PLPP3: variants seen among roughly 807,000 people sequenced by gnomAD.
PLPP3 encodes PAP2 beta.
Under a neutral mutation model 29.6 loss-of-function variants are expected in PLPP3, and 6 were observed. The ratio of observed to expected loss-of-function variants is 0.20; its 90% confidence interval spans 0.11 to 0.40. PLPP3 has a LOEUF of 0.40. Ranked by LOEUF, PLPP3 falls within the 10% of genes least tolerant of loss-of-function variation. The probability of loss-of-function intolerance (pLI) is 1.00; values close to 1 mark genes in which losing one functional copy is unlikely to be tolerated. For missense variants in PLPP3, 308 were observed against 407.7 expected, an observed-to-expected ratio of 0.76 and a Z score of 2.11; for synonymous variants, 152 against 159.7, an observed-to-expected ratio of 0.95 and a Z score of 0.36.
At chr1:56,538,586 T>C (rs1187400162) in intron 1 of PLPP3, 1 of 370,138 alleles carries the variant, frequency 2.7e-6, no homozygotes, top group South Asian at 2.7e-5. Context: ...TCTAAGGGAA[T>C]GGGTACTGCT....
At chr1:56,557,618 CT>C (rs1470481945) in intron 1 of PLPP3, among the ~76,000 whole-genome samples, 3 of 152,210 alleles carry the variant, frequency 2.0e-5, no homozygotes, top group Non-Finnish European at 2.9e-5. Flanking sequence ...AAACCACTGG[CT>C]TTCAGGTCAG....
intron 1 of PLPP3, among the ~76,000 whole-genome samples, chr1:56,556,962 G>T (rs1646080953): frequency 4.3e-4 from 1 of 2,334 alleles, no homozygotes. Flanking sequence ...GAGAAAGAAA[G>T]AAAGAAAGAA....
chr1:56,576,232 T>A (rs1646234745), intron 1 of PLPP3, among the ~76,000 whole-genome samples: 1 of 152,156 alleles, frequency 6.6e-6, no homozygotes, highest in East Asian at 1.9e-4. Flanking sequence ...TTCTTATATA[T>A]TCCTGTGAGA....
At chr1:56,518,911 T>G (rs1048952962) in intron 4 of PLPP3, among the ~76,000 whole-genome samples, 1 of 151,506 alleles carries the variant, frequency 6.6e-6, no homozygotes, top group South Asian at 2.1e-4. Context: ...TGTCAGATGG[T>G]GAGACGTAAG....
At chr1:56,532,430 A>C (rs116531072) in intron 2 of PLPP3, among the ~76,000 whole-genome samples, 1 of 152,022 alleles carries the variant, frequency 6.6e-6, no homozygotes, top group Non-Finnish European at 1.5e-5. Flanking sequence ...GGCAATGTTG[A>C]GGAACCTTGT....
At chr1:56,515,787 G>A (rs1645776796) in intron 4 of PLPP3, among the ~76,000 whole-genome samples, 1 of 152,158 alleles carries the variant, frequency 6.6e-6, no homozygotes, top group Admixed American at 6.5e-5. Context: ...AGTGCATTTT[G>A]GGGTACAATA....
chr1:56,538,211 T>C (rs1236351276), intron 1 of PLPP3, among the ~76,000 whole-genome samples: 4 of 152,188 alleles, frequency 2.6e-5, no homozygotes, highest in South Asian at 2.1e-4. Context: ...TCCAGCTTCA[T>C]GCTCTGCTGC....
intron 1 of PLPP3, among the ~76,000 whole-genome samples, chr1:56,572,086 A>G (rs982761231): frequency 5.0e-4 from 57 of 115,106 alleles, no homozygotes; most frequent in African/African-American, 1.9e-3. Flanking sequence ...GTCTCGCTCT[A>G]TCACCCAGCC....
intron 2 of PLPP3, among the ~76,000 whole-genome samples, chr1:56,536,588 A>G (rs550290202): frequency 1.2e-3 from 183 of 152,308 alleles, no homozygotes; most frequent in African/African-American, 4.2e-3. Context: ...TTTGATCCAG[A>G]GTAGGCAAGA....
intron 1 of PLPP3, among the ~76,000 whole-genome samples, chr1:56,544,614 T>C (rs946970806): frequency 1.3e-5 from 2 of 152,142 alleles, no homozygotes; most frequent in African/African-American, 4.8e-5. Context: ...GTCAGAGAGG[T>C]TGTAATTTGT....
At chr1:56,548,231 AAC>A (rs1438993508) in intron 1 of PLPP3, among the ~76,000 whole-genome samples, 3 of 152,322 alleles carry the variant, frequency 2.0e-5, no homozygotes, top group South Asian at 4.1e-4. Context: ...CCTTTTGTAA[AAC>A]ACAGAAACTT....
At chr1:56,500,749 A>C in intron 5 of PLPP3, among the ~76,000 whole-genome samples, 1 of 152,264 alleles carries the variant, frequency 6.6e-6, no homozygotes, top group African/African-American at 2.4e-5. Context: ...TCACGCCTAA[A>C]ATCCCAGCAC....
At position 56,579,212 on chromosome 1, in the gene PLPP3, C is replaced by T. The variant is rs1646259988; in HGVS notation, c.-196G>A. The stretch of plus-strand genomic sequence containing the variant: ...GCAGAAGGTGGTGTTTTCTGCTCCT[C>T]CTGCGCGCCTCTGCTTTCCTCTGTC... On this transcript the variant is annotated 5_prime_UTR_variant, in exon 1 of 6. Coordinates refer to ENST00000371250, the MANE Select transcript of PLPP3 (RefSeq NM_003713.5). 1.6e-6 allele frequency: 1 copy of T among 610,578 alleles called. No individual in the cohort carries two copies. 37.8% of individuals were successfully genotyped at this position (610,578 alleles called of 1,614,324 possible).
At chr1:56,540,518 T>C (rs919120308) in intron 1 of PLPP3, among the ~76,000 whole-genome samples, 2 of 152,158 alleles carry the variant, frequency 1.3e-5, no homozygotes, top group African/African-American at 4.8e-5. Context: ...CTGAGAACAG[T>C]CCAAATCCTT....
intron 1 of PLPP3, among the ~76,000 whole-genome samples, chr1:56,537,799 G>A (rs1645938271): frequency 6.6e-6 from 1 of 152,190 alleles, no homozygotes; most frequent in African/African-American, 2.4e-5. Flanking sequence ...GAGCAGAGCT[G>A]AGCTTGGCCC....
Position 56,530,947 on chromosome 1 carries a change from T to C in PLPP3, c.297+6008A>G, listed in dbSNP as rs757582196. 2.6e-4 allele frequency among the ~76,000 whole-genome samples: 40 copies of C among 152,192 alleles called. 1 individual carries two copies. The highest frequency in any genetic ancestry group is 5.0e-4 in the Non-Finnish European group (34 of 68,028). ...GGTTCTCTGACGAAAATCCTACTTA[T>C]GCCTTAAAGTAGAGCTCAAGTGCCA... is the stretch of plus-strand genomic sequence containing the variant. On this transcript the variant is annotated intron_variant, in intron 2 of 5. Transcript: ENST00000371250.
intron 1 of PLPP3, among the ~76,000 whole-genome samples, chr1:56,545,977 T>G (rs1447809610): frequency 6.6e-6 from 1 of 152,172 alleles, no homozygotes; most frequent in Admixed American, 6.5e-5. Flanking sequence ...GCCACTGAGC[T>G]ACATGGCCCG....
chr1:56,506,321 C>T (rs999201404), intron 5 of PLPP3, among the ~76,000 whole-genome samples: 2 of 152,200 alleles, frequency 1.3e-5, no homozygotes, highest in African/African-American at 4.8e-5. Flanking sequence ...TTTCCTTTTG[C>T]AGGGGTTGTC....
At chr1:56,578,793 G>T (rs1646255947) in intron 1 of PLPP3, 85 bp downstream of exon 1, 2 of 1,261,552 alleles carry the variant, frequency 1.6e-6, no homozygotes, top group East Asian at 3.4e-5. Context: ...GGCGCGGCGC[G>T]GCGCTGCGCG....
Sources: allele counts gnomAD v4.1 joint callset (sites outside exome capture counted in the v4.1 genomes callset), GRCh38; gene constraint gnomAD v4.1.1; transcripts MANE v1.5; gene names NCBI Gene and HGNC (gene_info 2026-07-23, HGNC 2026-07-21).